The following CHCHD3 variants were observed in gnomAD, a reference collection of about 807,000 sequenced individuals.
CHCHD3 encodes the protein coiled-coil-helix-coiled-coil-helix domain containing 3, also known as MICOS complex subunit MIC19.
In CHCHD3, 20 loss-of-function variants were observed where a neutral mutation model predicts 38.2. The observed-to-expected ratio is 0.52, with a 90% CI of 0.37 to 0.76. CHCHD3 has a LOEUF of 0.76. Among genes scored for constraint, CHCHD3 ranks in the 30% least tolerant of loss-of-function variants. CHCHD3 has a pLI of 0.00. For synonymous variants in CHCHD3, 82 were observed against 100.0 expected (o/e 0.82, Z 1.07); for missense variants, 245 against 279.2 (o/e 0.88, Z 0.87).
chr7:132,787,134 G>T (rs942763596), intron 7 of CHCHD3, among the ~76,000 whole-genome samples: 7 of 152,170 alleles, frequency 4.6e-5, no homozygotes, highest in Non-Finnish European at 8.8e-5. Flanking sequence ...GAATCCTGAG[G>T]GGAGAGGCCT....
intron 3 of CHCHD3, among the ~76,000 whole-genome samples, chr7:133,012,647 C>T (rs1301416584): frequency 7.9e-5 from 12 of 151,578 alleles, no homozygotes; most frequent in Non-Finnish European, 1.6e-4. Flanking sequence ...ACCTGTAGTC[C>T]CAGCTACTCG....
chr7:132,941,702 A>T (rs946265111), intron 4 of CHCHD3, among the ~76,000 whole-genome samples: 14 of 152,058 alleles, frequency 9.2e-5, no homozygotes, highest in African/African-American at 3.4e-4. Context: ...AGAGCCTGGG[A>T]TGGCTGAGTG....
intron 2 of CHCHD3, among the ~76,000 whole-genome samples, chr7:133,061,605 AG>A (rs1814517873): frequency 6.6e-6 from 1 of 152,196 alleles, no homozygotes; most frequent in South Asian, 2.1e-4. Flanking sequence ...GGTTGCTGGC[AG>A]CCGTGTACTT....
At chr7:132,897,352 T>C (rs1809525917) in intron 4 of CHCHD3, among the ~76,000 whole-genome samples, 1 of 152,014 alleles carries the variant, frequency 6.6e-6, no homozygotes, top group East Asian at 1.9e-4. Flanking sequence ...TCCTTTTCTT[T>C]GTACTAACTT....
intron 4 of CHCHD3, among the ~76,000 whole-genome samples, chr7:132,947,287 A>T (rs1236820452): frequency 6.6e-6 from 1 of 151,940 alleles, no homozygotes; most frequent in Non-Finnish European, 1.5e-5. Flanking sequence ...GAGGCACTTT[A>T]TCTCAATATC....
intron 4 of CHCHD3, among the ~76,000 whole-genome samples, chr7:132,954,847 T>A (rs1327226955): frequency 6.6e-6 from 1 of 152,144 alleles, no homozygotes; most frequent in Non-Finnish European, 1.5e-5. Flanking sequence ...CGGAGGCTCA[T>A]TGTGGTCCTA....
chr7:132,948,400 C>T (rs1186098360), intron 4 of CHCHD3, among the ~76,000 whole-genome samples: 3 of 151,796 alleles, frequency 2.0e-5, no homozygotes, highest in African/African-American at 2.4e-5. Flanking sequence ...GAGTGAGGGA[C>T]GGAGAAGGAG....
chr7:133,064,464 A>T (rs1814611073), intron 2 of CHCHD3, among the ~76,000 whole-genome samples: 1 of 152,234 alleles, frequency 6.6e-6, no homozygotes, highest in South Asian at 2.1e-4. Context: ...ACTCGAGTCA[A>T]AGGAATAAGC....
chr7:132,972,651 ACCATGC>A, intron 4 of CHCHD3: 2 of 985,464 alleles, frequency 2.0e-6, no homozygotes, highest in South Asian at 9.4e-5. Context: ...GCCATGGCAG[ACCATGC>A]AAATGTCTGA....
intron 6 of CHCHD3, among the ~76,000 whole-genome samples, chr7:132,831,843 C>T (rs1307247079): frequency 2.0e-5 from 3 of 151,984 alleles, no homozygotes; most frequent in Non-Finnish European, 4.4e-5. Context: ...CAGTCAAAAC[C>T]GTATTTAATT....
intron 3 of CHCHD3, among the ~76,000 whole-genome samples, chr7:132,986,405 GAAAAAGAAAAAGA>G (rs1174735952): frequency 1.3e-5 from 1 of 78,444 alleles, no homozygotes; most frequent in South Asian, 4.5e-4. Flanking sequence ...ATAAAAAAAA[GAAAAAGAAAAAGA>G]AAAAAGAAAA....
rs1810208263 is a variant in CHCHD3, at chr7:132,919,561, TC to T, written c.370-33817del. Among the ~76,000 whole-genome samples the T allele has an allele frequency of 2.0e-5, 3 of 152,328 alleles. No individual in the cohort carries two copies. In the South Asian group the frequency reaches 6.2e-4, roughly 32 times the overall value. ...TAAATCCAGTCAAATGTTTTCAACATCTGTAGTAATTCTAACTTGCAAGAGA... is the reference window on the plus strand; with the variant it reads ...TAAATCCAGTCAAATGTTTTCAACATTGTAGTAATTCTAACTTGCAAGAGA... On this transcript the variant is annotated intron_variant, in intron 4 of 7. Transcript: ENST00000262570.
intron 3 of CHCHD3, among the ~76,000 whole-genome samples, chr7:132,996,332 A>T (rs1439810951): frequency 6.6e-6 from 1 of 152,188 alleles, no homozygotes; most frequent in African/African-American, 2.4e-5. Flanking sequence ...CAAGGCAACA[A>T]CTGGCTACCA....
chr7:132,969,355 A>C (rs1327373183), intron 4 of CHCHD3, among the ~76,000 whole-genome samples: 1 of 152,096 alleles, frequency 6.6e-6, no homozygotes, highest in Admixed American at 6.6e-5. Context: ...GTGTTTAATA[A>C]ATATATGACG....
chr7:132,896,802 T>C (rs1452622500), intron 4 of CHCHD3, among the ~76,000 whole-genome samples: 1 of 152,140 alleles, frequency 6.6e-6, no homozygotes, highest in African/African-American at 2.4e-5. Context: ...CTACATTCTA[T>C]AAAACAAATT....
At chr7:132,851,838 C>T in intron 5 of CHCHD3, among the ~76,000 whole-genome samples, 1 of 152,218 alleles carries the variant, frequency 6.6e-6, no homozygotes, top group Non-Finnish European at 1.5e-5. Context: ...TGGCTTTATA[C>T]AGAACGTGTC....
intron 3 of CHCHD3, among the ~76,000 whole-genome samples, chr7:132,995,270 T>G (rs975320562): frequency 1.3e-5 from 2 of 152,176 alleles, no homozygotes; most frequent in African/African-American, 4.8e-5. Flanking sequence ...TGCACATACT[T>G]AATGTACACA....
At chr7:132,890,951 G>C (rs1310651298) in intron 4 of CHCHD3, among the ~76,000 whole-genome samples, 15 of 152,100 alleles carry the variant, frequency 9.9e-5, no homozygotes, top group Admixed American at 2.0e-4. Flanking sequence ...TTTATTTCTT[G>C]TCAAAACTAC....
At chr7:132,914,167 T>TGTGTGTGTGTG (rs1585632461) in intron 4 of CHCHD3, among the ~76,000 whole-genome samples, 5 of 145,008 alleles carry the variant, frequency 3.4e-5, no homozygotes, top group African/African-American at 1.0e-4. Flanking sequence ...TGTGTGTGTG[T>TGTGTGTGTGTG]TTAGTAGAGA....
Sources: gnomAD v4.1 joint callset for allele counts (sites outside exome capture counted in the v4.1 genomes callset) on GRCh38, gnomAD v4.1.1 for gene constraint, MANE v1.5 for transcripts, NCBI Gene and HGNC (gene_info 2026-07-23, HGNC 2026-07-21) for gene names.